Variants in CALN1 observed in about 807,000 individuals in gnomAD.
CALN1 encodes the protein calcium-binding protein 8.
CALN1 carries 17 observed loss-of-function variants against 30.6 expected under a neutral mutation model. That is an observed-to-expected ratio of 0.56 (90% CI 0.38 to 0.83). The LOEUF is 0.83. Among genes scored for constraint, CALN1 ranks in the 40% least tolerant of loss-of-function variants. The pLI, the probability that CALN1 is intolerant of heterozygous loss-of-function variation, is 0.00. For synonymous variants in CALN1, 156 were observed against 131.4 expected (o/e 1.19, Z -1.28); for missense variants, 291 against 354.9 (o/e 0.82, Z 1.45).
chr7:71,885,091 G>A (rs574297987), intron 5 of CALN1, among the ~76,000 whole-genome samples: 2 of 152,260 alleles, frequency 1.3e-5, no homozygotes, highest in South Asian at 2.1e-4. Flanking sequence ...CCTATAGCCT[G>A]GAAGCTCCCT....
At position 71,781,483 on chromosome 7, in the gene CALN1, A is replaced by C. The variant is rs756234199; in HGVS notation, c.*6292T>G. ...TCAGACTGATGGGCAGCCCCATGGC[A>C]CTCAATGGCCTGCATGTTTCCAAAG... On this transcript the variant is annotated 3_prime_UTR_variant, in exon 7 of 7. Coordinates refer to ENST00000395275, the MANE Select transcript of CALN1 (RefSeq NM_031468.4). 4.6e-5 allele frequency: 7 copies of C among 152,200 alleles called. No individual in the cohort carries two copies. Among genetic ancestry groups the C allele is most frequent in the Non-Finnish European group, 7.3e-5 (5 of 68,052 alleles). 9.4% of individuals were successfully genotyped at this position (152,200 alleles called of 1,614,324 possible).
chr7:72,368,872 C>T (rs1304546633), intron 2 of CALN1, among the ~76,000 whole-genome samples: 9 of 141,666 alleles, frequency 6.4e-5, no homozygotes, highest in African/African-American at 2.1e-4. Flanking sequence ...TGGAGTGCAG[C>T]GGCACAATCT....
intron 6 of CALN1, among the ~76,000 whole-genome samples, chr7:71,808,229 T>C (rs1787735804): frequency 6.7e-6 from 1 of 149,134 alleles, no homozygotes; most frequent in Non-Finnish European, 1.5e-5. Flanking sequence ...ATTACCATAA[T>C]GGTTAATTAA....
rs76347538 is a variant in CALN1 at position 72,124,675 on chromosome 7, A to G, written c.245-18381T>C. Among the ~76,000 whole-genome samples, 1,051 of 152,020 alleles carry G rather than the reference A, an allele frequency of 6.9e-3. 14 individuals are homozygous for G. The highest frequency in any genetic ancestry group is 0.023 in the African/African-American group (963 of 41,482). ...TCTAAATAGTAATAATAATATAATT[A>G]GATGACAAAAGATCTTTGTAAACAA... On this transcript the variant is annotated intron_variant, in intron 3 of 6. Coordinates refer to ENST00000395275, the MANE Select transcript of CALN1 (RefSeq NM_031468.4).
At chr7:71,827,867 G>C (rs1789023810) in intron 5 of CALN1, among the ~76,000 whole-genome samples, 1 of 151,986 alleles carries the variant, frequency 6.6e-6, no homozygotes, top group Non-Finnish European at 1.5e-5. Context: ...GAACATAGAG[G>C]AGGCAAGGGT....
intron 5 of CALN1, among the ~76,000 whole-genome samples, chr7:71,926,767 T>C (rs527795916): frequency 1.6e-4 from 24 of 152,326 alleles, no homozygotes; most frequent in African/African-American, 5.5e-4. Flanking sequence ...TTTCTTTGGC[T>C]GTGTTAAGTC....
intron 5 of CALN1, among the ~76,000 whole-genome samples, chr7:71,893,493 C>A (rs1793367894): frequency 6.6e-6 from 1 of 152,040 alleles, no homozygotes. Flanking sequence ...GGAATTGAGA[C>A]CAGCCTGGCC....
chr7:72,217,411 A>G (rs1049592292), intron 3 of CALN1, among the ~76,000 whole-genome samples: 2 of 152,194 alleles, frequency 1.3e-5, no homozygotes, highest in African/African-American at 4.8e-5. Flanking sequence ...ACAACTCTAT[A>G]AAGCCCTGGT....
intron 5 of CALN1, among the ~76,000 whole-genome samples, chr7:71,839,122 C>T (rs1256235222): frequency 1.3e-5 from 2 of 151,276 alleles, no homozygotes; most frequent in Admixed American, 6.6e-5. Context: ...TTTTATCATT[C>T]TTGAGAGAGA....
chr7:72,385,255 A>C (rs1805143872), intron 2 of CALN1, among the ~76,000 whole-genome samples: 1 of 152,234 alleles, frequency 6.6e-6, no homozygotes, highest in South Asian at 2.1e-4. Context: ...TACAAGGCTA[A>C]ACGTTAATCT....
At chr7:71,965,433 C>CTG (rs1562941505) in intron 5 of CALN1, among the ~76,000 whole-genome samples, 1 of 152,164 alleles carries the variant, frequency 6.6e-6, no homozygotes, top group Non-Finnish European at 1.5e-5. Flanking sequence ...TGCCAACCTT[C>CTG]TGTAAGGAAA....
At chr7:71,801,425 T>TATCTATC (rs1464056168) in intron 6 of CALN1, among the ~76,000 whole-genome samples, 1 of 111,038 alleles carries the variant, frequency 9.0e-6, no homozygotes, top group East Asian at 2.4e-4. Flanking sequence ...TGTATGTATG[T>TATCTATC]ATGTATCTAT....
intron 3 of CALN1, among the ~76,000 whole-genome samples, chr7:72,149,745 A>T (rs1585043355): frequency 6.6e-6 from 1 of 152,162 alleles, no homozygotes; most frequent in East Asian, 1.9e-4. Context: ...CTTTTGCAAA[A>T]ACTCATTACC....
upstream of CALN1, among the ~76,000 whole-genome samples, chr7:72,413,898 A>G (rs1807339110): frequency 6.6e-6 from 1 of 151,862 alleles, no homozygotes; most frequent in African/African-American, 2.4e-5. Flanking sequence ...TTACATACAT[A>G]CACACGTACA....
chr7:71,957,928 G>C (rs1797041671), intron 5 of CALN1, among the ~76,000 whole-genome samples: 1 of 151,794 alleles, frequency 6.6e-6, no homozygotes, highest in South Asian at 2.1e-4. Context: ...AGCCAGGCGT[G>C]GTGGCATGCA....
chr7:71,921,926 G>A (rs894939060), intron 5 of CALN1, among the ~76,000 whole-genome samples: 1 of 151,772 alleles, frequency 6.6e-6, no homozygotes, highest in African/African-American at 2.4e-5. Context: ...CCCAGGTTGA[G>A]GCAGGTAACA....
chr7:72,174,474 A>G (rs894648617), intron 3 of CALN1, among the ~76,000 whole-genome samples: 85 of 152,314 alleles, frequency 5.6e-4, no homozygotes, highest in African/African-American at 2.0e-3. Flanking sequence ...ACTATTACTT[A>G]TAATAGTCAA....
intron 5 of CALN1, among the ~76,000 whole-genome samples, chr7:72,008,554 G>T (rs1371604978): frequency 7.9e-5 from 12 of 151,688 alleles, no homozygotes; most frequent in Admixed American, 7.9e-4. Context: ...GAGAAAAAAG[G>T]ATTATTCATT....
chr7:72,219,422 G>A (rs1217378052), intron 3 of CALN1, among the ~76,000 whole-genome samples: 4 of 151,944 alleles, frequency 2.6e-5, no homozygotes, highest in Non-Finnish European at 4.4e-5. Flanking sequence ...TAGAGATGGG[G>A]TCTTGCTGTG....
Sources: allele counts gnomAD v4.1 joint callset (sites outside exome capture counted in the v4.1 genomes callset), GRCh38; gene constraint gnomAD v4.1.1; transcripts MANE v1.5; gene names NCBI Gene and HGNC (gene_info 2026-07-23, HGNC 2026-07-21).